Variants in CATSPERB observed in about 807,000 individuals in gnomAD.
CATSPERB encodes the protein cation channel sperm-associated auxiliary subunit beta.
In CATSPERB, 93 loss-of-function variants were observed where a neutral mutation model predicts 128.3. The ratio of observed to expected loss-of-function variants is 0.72; its 90% confidence interval spans 0.61 to 0.86. CATSPERB has a LOEUF of 0.86. CATSPERB is among the 40% of genes least tolerant of loss of function. CATSPERB has a pLI of 0.00. For synonymous variants in CATSPERB, 381 were observed against 448.8 expected (o/e 0.85, Z 1.91); for missense variants, 1,153 against 1,329.5 (o/e 0.87, Z 2.06).
chr14:91,705,710 C>G (rs1048710841), intron 6 of CATSPERB, among the ~76,000 whole-genome samples: 25 of 152,242 alleles, frequency 1.6e-4, no homozygotes, highest in Admixed American at 1.3e-3. Context: ...TCCATGACGC[C>G]CTAGAATGAG....
At chr14:91,636,715 C>CA (rs1894382606) in intron 16 of CATSPERB, 136 bp from the exon 17 acceptor site, 1 of 760,874 alleles carries the variant, frequency 1.3e-6, no homozygotes. Flanking sequence ...AATAAGTCAA[C>CA]GTGTTCTGTT....
At chr14:91,587,565 C>T (rs1285804048) in intron 25 of CATSPERB, among the ~76,000 whole-genome samples, 3 of 143,518 alleles carry the variant, frequency 2.1e-5, no homozygotes, top group African/African-American at 7.9e-5. Context: ...TTGGGCTAAT[C>T]CTCGTATTTG....
At chr14:91,696,092 A>T (rs1281315335) in intron 7 of CATSPERB, among the ~76,000 whole-genome samples, 1 of 152,214 alleles carries the variant, frequency 6.6e-6, no homozygotes, top group African/African-American at 2.4e-5. Context: ...ACAACTGAAG[A>T]GAGGAGTAGT....
At chr14:91,676,654 G>C (rs1895197146) in intron 11 of CATSPERB, among the ~76,000 whole-genome samples, 2 of 152,050 alleles carry the variant, frequency 1.3e-5, no homozygotes, top group South Asian at 4.1e-4. Flanking sequence ...AGAAAAAAAG[G>C]ATAAAAGAGA....
At chr14:91,660,301 T>C (rs1894855244) in intron 14 of CATSPERB, among the ~76,000 whole-genome samples, 1 of 152,216 alleles carries the variant, frequency 6.6e-6, no homozygotes, top group South Asian at 2.1e-4. Context: ...AATTCCGTGT[T>C]CATAAAAGAA....
intron 11 of CATSPERB, among the ~76,000 whole-genome samples, chr14:91,681,082 T>C (rs1196013156): frequency 1.3e-5 from 2 of 152,200 alleles, no homozygotes; most frequent in Non-Finnish European, 2.9e-5. Flanking sequence ...TATATGCATG[T>C]TCGTTCAATA....
At chr14:91,634,667 C>T (rs199528757) in intron 17 of CATSPERB, among the ~76,000 whole-genome samples, 179 of 10,292 alleles carry the variant, frequency 0.017, no homozygotes, top group African/African-American at 0.15. Flanking sequence ...TATATATATA[C>T]ATACACACAC....
At chr14:91,617,546 A>C (rs1468379419) in intron 20 of CATSPERB, 51 bp downstream of exon 20, 1 of 1,456,314 alleles carries the variant, frequency 6.9e-7, no homozygotes, top group Non-Finnish European at 9.2e-7. Context: ...TAGTTGTTTC[A>C]GAAAATTTTT....
chr14:91,642,683 GTC>G (rs1433142698), intron 15 of CATSPERB, among the ~76,000 whole-genome samples: 2 of 128,460 alleles, frequency 1.6e-5, no homozygotes, highest in East Asian at 4.8e-4. Flanking sequence ...TTTTGGTTGT[GTC>G]TCTGCCCGGC....
intron 22 of CATSPERB, among the ~76,000 whole-genome samples, chr14:91,606,973 G>T (rs552305511): frequency 6.6e-6 from 1 of 151,640 alleles, no homozygotes; most frequent in African/African-American, 2.4e-5. Context: ...GAAACTGGAC[G>T]TGGAGAAGAA....
intron 22 of CATSPERB, among the ~76,000 whole-genome samples, chr14:91,597,094 C>T (rs530803417): frequency 4.6e-5 from 7 of 151,870 alleles, no homozygotes; most frequent in African/African-American, 9.7e-5. Context: ...AGTGTTTCAC[C>T]GTGTCAGCCA....
intron 15 of CATSPERB, among the ~76,000 whole-genome samples, chr14:91,647,276 C>A (rs918950894): frequency 1.3e-5 from 2 of 152,072 alleles, no homozygotes; most frequent in African/African-American, 4.8e-5. Context: ...TAATCTTTAT[C>A]GTAAGGGTAG....
At chr14:91,605,059 C>T (rs1893675511) in intron 22 of CATSPERB, 9 of 1,210,564 alleles carry the variant, frequency 7.4e-6, no homozygotes, top group Non-Finnish European at 1.1e-5. Context: ...CCTTGTCTTC[C>T]TTTTTTCTGG....
At chr14:91,594,399 G>A (rs1322678466) in intron 22 of CATSPERB, among the ~76,000 whole-genome samples, 2 of 151,600 alleles carry the variant, frequency 1.3e-5, no homozygotes, top group Non-Finnish European at 2.9e-5. Context: ...AATGGGTGCA[G>A]CACACCAACA....
At chr14:91,603,837 CT>C (rs1351022173) in intron 22 of CATSPERB, among the ~76,000 whole-genome samples, 1 of 152,178 alleles carries the variant, frequency 6.6e-6, no homozygotes, top group Non-Finnish European at 1.5e-5. Flanking sequence ...TCGTGAGAGA[CT>C]GCCCCCATCA....
At chr14:91,670,807 C>T (rs966663180) in intron 13 of CATSPERB, among the ~76,000 whole-genome samples, 1 of 152,106 alleles carries the variant, frequency 6.6e-6, no homozygotes, top group Admixed American at 6.6e-5. Flanking sequence ...AGTTCGAGGC[C>T]AGCCTGGACA....
chr14:91,636,435 T>A lies in CATSPERB; in HGVS notation c.1732A>T (p.Ile578Leu). The change falls in exon 17 of 27, where the codon ATA becomes TTA. Residue 578 changes from isoleucine (I) to leucine (L), a missense_variant. Ile to Leu is a conservative substitution (Grantham distance 5, BLOSUM62 2). Transcript: ENST00000256343. ...KFGNIHYGKV[I>L]HSGKTGRAYI... ...AATGCATATCACTACCCAGAGTGTA[T>A]CACTTTTCCATAGTGTATATTGCCG... 1 of 1,613,930 alleles carries A rather than the reference T, an allele frequency of 6.2e-7. No homozygotes were observed. The highest frequency in any genetic ancestry group is 1.3e-5 in the African/African-American group (1 of 74,998).
chr14:91,729,448 A>G lies in CATSPERB; in HGVS notation c.32T>C (p.Leu11Ser), dbSNP rs1024622676. 6.5e-7 allele frequency: 1 copy of G among 1,539,952 alleles called. No homozygotes were observed. The highest frequency in any genetic ancestry group is 8.9e-7 in the Non-Finnish European group (1 of 1,120,976). Residue 11 changes from leucine to serine, a missense_variant, in exon 2 of 27, where the codon TTG (leucine) becomes TCG (serine). By Grantham distance (145) the Leu-to-Ser change is moderately radical (BLOSUM62 -2). Coordinates refer to ENST00000256343, the MANE Select transcript of CATSPERB (RefSeq NM_024764.4). ...TGAAAATTCAAATATGTTCAAAAGCAAAACTGAAACATATATAAGTGGCGA... is the reference window on the plus strand; with the variant it reads ...TGAAAATTCAAATATGTTCAAAAGCGAAACTGAAACATATATAAGTGGCGA... MESPLIYVSVLLLNIFEFSSG... is the reference protein window; with the variant it reads MESPLIYVSVSLLNIFEFSSG...
chr14:91,653,981 G>A (rs894455085), intron 15 of CATSPERB, among the ~76,000 whole-genome samples: 3 of 152,180 alleles, frequency 2.0e-5, no homozygotes, highest in Non-Finnish European at 2.9e-5. Context: ...CTATGTTAGA[G>A]CAAATAGAAG....
Sources: allele counts gnomAD v4.1 joint callset (sites outside exome capture counted in the v4.1 genomes callset), GRCh38; gene constraint gnomAD v4.1.1; transcripts MANE v1.5; gene names NCBI Gene and HGNC (gene_info 2026-07-23, HGNC 2026-07-21).